The following MYH2 variants were observed in gnomAD, a reference collection of about 807,000 sequenced individuals.
MYH2 encodes the protein myosin heavy chain 2, also known as myosin-2.
Under a neutral mutation model 228.1 loss-of-function variants are expected in MYH2, and 139 were observed. That is an observed-to-expected ratio of 0.61 (90% CI 0.53 to 0.70). MYH2 has a LOEUF of 0.70. MYH2 is among the 30% of genes least tolerant of loss of function. The probability of loss-of-function intolerance (pLI) is 0.00; values close to 1 mark genes in which losing one functional copy is unlikely to be tolerated. For synonymous variants in MYH2, 796 were observed against 871.1 expected (o/e 0.91, Z 1.52); for missense variants, 1,809 against 2,357.5 (o/e 0.77, Z 4.82).
intron 27 of MYH2, 117 bp downstream of exon 27, chr17:10,528,573 A>G: frequency 6.8e-7 from 1 of 1,481,054 alleles, no homozygotes; most frequent in Non-Finnish European, 9.3e-7. Flanking sequence ...TTTTGTGCTT[A>G]CTTCCCTGAA....
chr17:10,535,425 T>A, intron 17 of MYH2, 60 bp from the exon 18 acceptor site: 1 of 1,398,454 alleles, frequency 7.2e-7, no homozygotes, highest in African/African-American at 1.4e-5. Flanking sequence ...GAGCAGTCAT[T>A]GGTGTCTATA....
chr17:10,525,342 A>T lies in MYH2; in HGVS notation c.4544T>A (p.Ile1515Asn). The part of the protein sequence containing the change: ...KRENKNLQQE[I>N]SDLTEQIAEG... Reference sequence around the variant, plus strand: ...TGCAATCTGTTCCGTGAGGTCAGAAATCTCCTCTGTTGTTTGAGTAAAAGA... The same window carrying T: ...TGCAATCTGTTCCGTGAGGTCAGAATTCTCCTCTGTTGTTTGAGTAAAAGA... The change falls in exon 33 of 40, where the codon ATT becomes AAT. Residue 1515 changes from isoleucine to asparagine, a missense_variant. Physicochemically the swap from Ile to Asn is moderately radical, Grantham distance 149. This residue lies in a region of MYH2 where 636 missense variants were observed against 729.9 expected (regional missense o/e 0.87). Transcript: ENST00000245503. This position sits in a 1 kb window ranked among gnomAD's most constrained non-coding sequence, Gnocchi z 4.2. The T allele has an allele frequency of 6.2e-7, 1 of 1,614,152 alleles. No homozygotes were observed. Among genetic ancestry groups the T allele is most frequent in the African/African-American group, 1.3e-5 (1 of 75,050 alleles).
In MYH2 at chr17:10,521,300, T is replaced by C; in HGVS notation, c.5806A>G (p.Lys1936Glu). The change falls in exon 40 of 40, where the codon AAA becomes GAA. Residue 1936 changes from lysine to glutamate, a missense_variant. Physicochemically the swap from Lys to Glu is moderately conservative, Grantham distance 56. Coordinates refer to ENST00000245503, the MANE Select transcript of MYH2 (RefSeq NM_017534.6). ...CATGATCACTCTTCACTTATGACTTTTGTGTGAACCTCCCGGCTCTTCACC... is the reference window on the plus strand; with the variant it reads ...CATGATCACTCTTCACTTATGACTTCTGTGTGAACCTCCCGGCTCTTCACC... ...LRVKSREVHT[K>E]VISEE 2.5e-6 allele frequency: 4 copies of C among 1,613,990 alleles called. No homozygotes were observed. Among genetic ancestry groups the C allele is most frequent in the Non-Finnish European group, 3.4e-6 (4 of 1,180,018 alleles).
intron 21 of MYH2, 147 bp from the exon 22 acceptor site, chr17:10,532,035 C>T (rs748647420): frequency 5.3e-5 from 55 of 1,028,470 alleles, no homozygotes; most frequent in Non-Finnish European, 7.4e-5. Flanking sequence ...GGATGATGGT[C>T]AAGGTCTTGC....
intron 24 of MYH2, 40 bp downstream of exon 24, chr17:10,529,524 C>A: frequency 6.2e-7 from 1 of 1,614,174 alleles, no homozygotes; most frequent in East Asian, 2.2e-5. Flanking sequence ...GCTTATCTTC[C>A]TTTAGAAGAA....
At chr17:10,547,035 G>T (rs2073644091) in intron 4 of MYH2, among the ~76,000 whole-genome samples, 1 of 151,566 alleles carries the variant, frequency 6.6e-6, no homozygotes, top group Non-Finnish European at 1.5e-5. Context: ...AGGTTGCAGT[G>T]AGCCGAGATC....
chr17:10,528,577 C>T, intron 27 of MYH2, 113 bp downstream of exon 27: 3 of 1,507,150 alleles, frequency 2.0e-6, no homozygotes, highest in Non-Finnish European at 2.7e-6. Context: ...GTGCTTACTT[C>T]CCTGAATTAC....
intron 21 of MYH2, 127 bp from the exon 22 acceptor site, chr17:10,532,015 T>C: frequency 3.3e-6 from 3 of 900,994 alleles, no homozygotes; most frequent in Non-Finnish European, 5.2e-6. Flanking sequence ...GATGAAAAAA[T>C]TCTATTTCGG....
Position 10,536,609 on chromosome 17 carries a change from G to A in MYH2, c.1898-3C>T, listed in dbSNP as rs370752980. ...CTTGGCCCCTCCACCAGCTCCCTCT[G>A]AAGAAAAAGGAAGAAAAGAAATACT... is the stretch of plus-strand genomic sequence containing the variant. On this transcript the variant is annotated splice_polypyrimidine_tract_variant and splice_region_variant and intron_variant, in intron 16 of 39. Transcript: ENST00000245503. The A allele has an allele frequency of 7.8e-5, 125 of 1,610,544 alleles. No homozygotes were observed. The African/African-American group carries it at 1.6e-3, about 20-fold the overall frequency.
rs1349048266 is a variant in MYH2 at position 10,535,192 on chromosome 17, T to A, written c.2063-2A>T. ...GGACAAGCTCATGCTCCATGGCACC[T>A]AAAAATGCATATTTATTTCACTGCA... On this transcript the variant is annotated splice_acceptor_variant, in intron 18 of 39. Coordinates refer to ENST00000245503, the MANE Select transcript of MYH2 (RefSeq NM_017534.6). LOFTEE classifies it high-confidence loss of function. 9 of 1,613,978 alleles carry A rather than the reference T, an allele frequency of 5.6e-6. No individual in the cohort carries two copies. Among genetic ancestry groups the A allele is most frequent in the Non-Finnish European group, 6.8e-6 (8 of 1,179,980 alleles).
At chr17:10,543,018 G>A (rs2073576709) in intron 9 of MYH2, 45 bp from the exon 10 acceptor site, 2 of 1,586,722 alleles carry the variant, frequency 1.3e-6, no homozygotes, top group Non-Finnish European at 1.7e-6. Context: ...AAAAATTCAT[G>A]TGACATGCGA....
Position 10,524,712 on chromosome 17 carries a change from G to T in MYH2, c.4972-43C>A, listed in dbSNP as rs755263244. ...ATTGAGACATCATGTTCTCAGGGTT[G>T]CAGGCACCCCAATAGTCCTGGGACC... On this transcript the variant is annotated intron_variant, in intron 34 of 39. Transcript: ENST00000245503. This position sits in a 1 kb window ranked among gnomAD's most constrained non-coding sequence, Gnocchi z 4.7. 2 of 1,614,112 alleles carry T rather than the reference G, an allele frequency of 1.2e-6. No individual in the cohort carries two copies. Among genetic ancestry groups the T allele is most frequent in the Non-Finnish European group, 1.7e-6 (2 of 1,180,052 alleles).
Position 10,529,252 on chromosome 17 carries a change from C to G in MYH2, c.3264G>C (p.Lys1088Asn), listed in dbSNP as rs775797510. The change falls in exon 26 of 40, where the codon AAG becomes AAC. Residue 1088 changes from lysine (K) to asparagine (N), a missense_variant and splice_region_variant. Physicochemically the swap from Lys to Asn is moderately conservative, Grantham distance 94 (BLOSUM62 0). This residue lies in a region of MYH2 where 636 missense variants were observed against 729.9 expected (regional missense o/e 0.87). Coordinates refer to ENST00000245503, the MANE Select transcript of MYH2 (RefSeq NM_017534.6). ...GCAGATTGCTGATTTCAAACTCTTTCCTTTTAGAAAAGTAGCAAAGGACAA... is the reference window on the plus strand; with the variant it reads ...GCAGATTGCTGATTTCAAACTCTTTGCTTTTAGAAAAGTAGCAAAGGACAA... Reference protein sequence around the residue: ...EKQQLDEKLKKKEFEISNLQS... With the variant: ...EKQQLDEKLKNKEFEISNLQS... 2 of 1,614,180 alleles carry G rather than the reference C, an allele frequency of 1.2e-6. No individual in the cohort carries two copies. Among genetic ancestry groups the G allele is most frequent in the South Asian group, 2.2e-5 (2 of 91,084 alleles).
chr17:10,542,193 G>C (rs939097791), intron 10 of MYH2, among the ~76,000 whole-genome samples: 1 of 152,158 alleles, frequency 6.6e-6, no homozygotes, highest in African/African-American at 2.4e-5. Context: ...AGAATCGCTT[G>C]AACCTGGGAG....
chr17:10,532,063 C>T (rs192449076), intron 21 of MYH2, among the ~76,000 whole-genome samples, 175 bp from the exon 22 acceptor site: 19 of 152,304 alleles, frequency 1.2e-4, no homozygotes, highest in African/African-American at 4.6e-4. Flanking sequence ...ACTCATTTCT[C>T]TACATCACTG....
chr17:10,543,200 T>C (rs779495497), intron 8 of MYH2, 39 bp from the exon 9 acceptor site: 3 of 1,412,804 alleles, frequency 2.1e-6, no homozygotes, highest in African/African-American at 1.4e-5. Flanking sequence ...TTTTTTTATA[T>C]AATATTAAAT....
Position 10,535,140 on chromosome 17 carries a change from G to A in MYH2, c.2113C>T (p.Leu705=), listed in dbSNP as rs1303717898. 2.5e-6 allele frequency: 4 copies of A among 1,614,152 alleles called. No individual in the cohort carries two copies. In the Admixed American group the frequency reaches 6.7e-5, roughly 27 times the overall value. ...TTCCTACAGATGCGGATGCCTTCCA[G>A]CACACCGTTACACCTCAGCTGGTGG... ...VLHQLRCNGV[L]EGIRICRKGF... Residue 705 remains leucine (L), a synonymous_variant, in exon 19 of 40, where the codon CTG becomes TTG. Coordinates refer to ENST00000245503, the MANE Select transcript of MYH2 (RefSeq NM_017534.6).
Position 10,545,031 on chromosome 17 carries a change from G to A in MYH2, c.505+315C>T, listed in dbSNP as rs532997719. 1.9e-3 allele frequency among the ~76,000 whole-genome samples: 256 copies of A among 134,702 alleles called. 2 individuals carry two copies. The highest frequency in any genetic ancestry group is 5.6e-3 in the African/African-American group (214 of 38,270). 88.4% of individuals were successfully genotyped at this position (134,702 alleles called of 152,430 possible). ...CGTGCATGAGTGTGTGTGTGTGTGTGTATATATACATACACAGAAATATTT... is the reference window on the plus strand; with the variant it reads ...CGTGCATGAGTGTGTGTGTGTGTGTATATATATACATACACAGAAATATTT... On this transcript the variant is annotated intron_variant, in intron 5 of 39. Coordinates refer to ENST00000245503, the MANE Select transcript of MYH2 (RefSeq NM_017534.6).
At chr17:10,535,025 C>T (rs1435135500) in intron 19 of MYH2, 48 bp downstream of exon 19, 11 of 1,588,918 alleles carry the variant, frequency 6.9e-6, no homozygotes, top group African/African-American at 5.4e-5. Context: ...TTGCATTAAA[C>T]TTGTTCATAT....
Sources: gnomAD v4.1 joint callset for allele counts (sites outside exome capture counted in the v4.1 genomes callset) on GRCh38, gnomAD v4.1.1 for gene constraint, gnomAD v4.1.1 regional missense constraint, Gnocchi (gnomAD v3.1) non-coding constraint, MANE v1.5 for transcripts, NCBI Gene and HGNC (gene_info 2026-07-23, HGNC 2026-07-21) for gene names.